TTC28: variants seen among roughly 807,000 people sequenced by gnomAD.
TTC28 encodes tetratricopeptide repeat domain 28.
A neutral mutation model predicts 198.0 loss-of-function variants in TTC28; 61 were observed. That is an observed-to-expected ratio of 0.31 (90% CI 0.25 to 0.38). TTC28 has a LOEUF of 0.38. TTC28 is among the 10% of genes least tolerant of loss of function. TTC28 has a pLI of 1.00. For synonymous variants in TTC28, 1,171 were observed against 1,297.8 expected (o/e 0.90, Z 2.10); for missense variants, 2,678 against 3,164.0 (o/e 0.85, Z 3.69).
chr22:28,574,379 TG>T (rs1267539876), intron 2 of TTC28, among the ~76,000 whole-genome samples: 53 of 151,656 alleles, frequency 3.5e-4, no homozygotes, highest in African/African-American at 6.0e-4. Context: ...GTGTGTGTTG[TG>T]TGTGAGTGTG....
At chr22:28,293,554 T>C (rs764773166) in intron 5 of TTC28, among the ~76,000 whole-genome samples, 8 of 152,084 alleles carry the variant, frequency 5.3e-5, no homozygotes, top group Non-Finnish European at 1.0e-4. Flanking sequence ...CTCTAATGTA[T>C]ACCAGAAAGC....
intron 5 of TTC28, among the ~76,000 whole-genome samples, chr22:28,250,879 T>G (rs1053584526): frequency 6.6e-6 from 1 of 152,162 alleles, no homozygotes; most frequent in Non-Finnish European, 1.5e-5. Context: ...AGCCTAGAGA[T>G]GCAGACATCA....
intron 3 of TTC28, among the ~76,000 whole-genome samples, chr22:28,302,811 A>AT (rs2045054717): frequency 6.6e-6 from 1 of 152,098 alleles, no homozygotes; most frequent in Non-Finnish European, 1.5e-5. Flanking sequence ...AGTAGCTAGG[A>AT]TTACAGGTGC....
intron 12 of TTC28, among the ~76,000 whole-genome samples, chr22:28,089,697 T>TA (rs557203479): frequency 3.1e-5 from 4 of 129,734 alleles, no homozygotes; most frequent in Non-Finnish European, 6.7e-5. Context: ...AAATAAAAAA[T>TA]AAAAAAATAA....
chr22:28,551,762 G>A (rs549501317), intron 2 of TTC28, among the ~76,000 whole-genome samples: 19 of 152,126 alleles, frequency 1.2e-4, no homozygotes, highest in Non-Finnish European at 2.4e-4. Flanking sequence ...CAAACCCACA[G>A]CCAACATTAC....
chr22:28,060,998 G>T (rs969654295), intron 12 of TTC28, among the ~76,000 whole-genome samples: 4 of 152,174 alleles, frequency 2.6e-5, no homozygotes, highest in African/African-American at 9.6e-5. Context: ...TCATGTGTCT[G>T]TTGGCTGCAT....
At chr22:28,467,874 G>A (rs1041997652) in intron 2 of TTC28, among the ~76,000 whole-genome samples, 5 of 152,084 alleles carry the variant, frequency 3.3e-5, no homozygotes, top group East Asian at 3.9e-4. Context: ...AGATCCTCCC[G>A]TCTCAGCCTC....
chr22:28,615,264 A>C lies in TTC28; in HGVS notation c.381+14288T>G, dbSNP rs1407347774. ...ACCACAATGAGATACCATCTCACAC[A>C]AGTTAGAATGGTGATCATTAAAAAG... is the stretch of plus-strand genomic sequence containing the variant. On this transcript the variant is annotated intron_variant, in intron 2 of 22. Coordinates refer to ENST00000397906, the MANE Select transcript of TTC28 (RefSeq NM_001145418.2). Among the ~76,000 whole-genome samples the C allele has an allele frequency of 4.6e-5, 7 of 152,224 alleles. No individual in the cohort carries two copies. The South Asian group carries it at 6.2e-4, about 14-fold the overall frequency.
At chr22:28,610,298 T>C (rs980949231) in intron 2 of TTC28, among the ~76,000 whole-genome samples, 11 of 152,144 alleles carry the variant, frequency 7.2e-5, no homozygotes, top group African/African-American at 1.9e-4. Flanking sequence ...GACTGGGAGA[T>C]ACCTCCCAGT....
At chr22:28,334,365 C>G (rs1313058382) in intron 2 of TTC28, among the ~76,000 whole-genome samples, 5 of 151,984 alleles carry the variant, frequency 3.3e-5, no homozygotes, top group Admixed American at 3.3e-4. Flanking sequence ...GGGTATATAC[C>G]CAGTAATGGG....
chr22:28,289,413 G>C (rs1180523764), intron 5 of TTC28, among the ~76,000 whole-genome samples: 1 of 152,102 alleles, frequency 6.6e-6, no homozygotes, highest in Non-Finnish European at 1.5e-5. Flanking sequence ...TAACTCATAG[G>C]AAGGCCTCTG....
intron 2 of TTC28, among the ~76,000 whole-genome samples, chr22:28,500,522 C>T (rs190033060): frequency 9.2e-5 from 14 of 152,118 alleles, no homozygotes; most frequent in East Asian, 1.9e-4. Context: ...ATAATTACAG[C>T]GAGAAAATTA....
intron 12 of TTC28, among the ~76,000 whole-genome samples, chr22:28,036,120 T>A (rs1939333210): frequency 1.3e-5 from 2 of 152,168 alleles, no homozygotes. Context: ...GGACATGAAC[T>A]CAGCTCTGGA....
chr22:28,434,181 TA>T (rs1203332143), intron 2 of TTC28, among the ~76,000 whole-genome samples: 1 of 152,062 alleles, frequency 6.6e-6, no homozygotes, highest in East Asian at 1.9e-4. Context: ...TTAAAAGAAA[TA>T]AAACATCAAT....
chr22:28,030,931 C>A (rs184516341), intron 12 of TTC28, among the ~76,000 whole-genome samples: 1 of 152,162 alleles, frequency 6.6e-6, no homozygotes, highest in African/African-American at 2.4e-5. Context: ...GGGCAGGCAC[C>A]GCTGGAAACG....
chr22:28,554,355 C>T (rs1350812209), intron 2 of TTC28, among the ~76,000 whole-genome samples: 1 of 148,326 alleles, frequency 6.7e-6, no homozygotes, highest in Non-Finnish European at 1.5e-5. Flanking sequence ...GCAAGAAACA[C>T]CCAAGAATGA....
intron 5 of TTC28, among the ~76,000 whole-genome samples, chr22:28,179,411 C>G (rs936397319): frequency 6.6e-6 from 1 of 152,058 alleles, no homozygotes; most frequent in African/African-American, 2.4e-5. Flanking sequence ...CTGCCCTCCT[C>G]GGCCTCCCAA....
intron 1 of TTC28, among the ~76,000 whole-genome samples, chr22:28,660,103 AT>A (rs533413117): frequency 1.1e-4 from 17 of 152,098 alleles, no homozygotes; most frequent in African/African-American, 3.9e-4. Flanking sequence ...CCTGAAATGC[AT>A]TTTTTTTAAC....
chr22:28,609,741 T>C (rs539779656), intron 2 of TTC28, among the ~76,000 whole-genome samples: 8 of 152,052 alleles, frequency 5.3e-5, no homozygotes, highest in African/African-American at 1.9e-4. Flanking sequence ...GACAGAACCA[T>C]TCACTCCCCC....
Sources: allele counts gnomAD v4.1 joint callset (sites outside exome capture counted in the v4.1 genomes callset), GRCh38; gene constraint gnomAD v4.1.1; transcripts MANE v1.5; gene names NCBI Gene and HGNC (gene_info 2026-07-23, HGNC 2026-07-21).